NEGR1: variants seen among roughly 807,000 people sequenced by gnomAD.
NEGR1 encodes IgLON family member 4.
Under a neutral mutation model 40.9 loss-of-function variants are expected in NEGR1, and 10 were observed. The ratio of observed to expected loss-of-function variants is 0.24; its 90% CI spans 0.15 to 0.42. The LOEUF (loss-of-function observed/expected upper bound fraction) is 0.42, where lower values mean the gene tolerates loss of function less well. Ranked by LOEUF, NEGR1 falls within the 10% of genes least tolerant of loss-of-function variation. The pLI is 1.00. For synonymous variants in NEGR1, 185 were observed against 166.8 expected, an observed-to-expected ratio of 1.11 and a Z score of -0.84; for missense variants, 352 against 438.9, an observed-to-expected ratio of 0.80 and a Z score of 1.77.
At chr1:71,493,329 A>C (rs553354974) in intron 6 of NEGR1, among the ~76,000 whole-genome samples, 1 of 152,244 alleles carries the variant, frequency 6.6e-6, no homozygotes, top group South Asian at 2.1e-4. Context: ...ATGAATACCC[A>C]TCTACTATCC....
intron 1 of NEGR1, among the ~76,000 whole-genome samples, chr1:71,936,704 T>A (rs997913847): frequency 3.3e-5 from 5 of 152,174 alleles, no homozygotes; most frequent in Non-Finnish European, 2.9e-5. Context: ...TGGATCCACA[T>A]GATGATGACA....
At chr1:72,199,205 G>A (rs1401892786) in intron 1 of NEGR1, among the ~76,000 whole-genome samples, 1 of 150,212 alleles carries the variant, frequency 6.7e-6, no homozygotes, top group African/African-American at 2.5e-5. Flanking sequence ...ATGTATCTTG[G>A]GGGCTGCATA....
At chr1:71,591,452 A>G (rs1290134394) in intron 6 of NEGR1, among the ~76,000 whole-genome samples, 1 of 152,116 alleles carries the variant, frequency 6.6e-6, no homozygotes, top group Non-Finnish European at 1.5e-5. Context: ...TAAGCCTTAA[A>G]TTTTTCTTTA....
At chr1:71,450,556 C>A (rs1249821240) in intron 6 of NEGR1, among the ~76,000 whole-genome samples, 3 of 151,782 alleles carry the variant, frequency 2.0e-5, no homozygotes, top group Non-Finnish European at 4.4e-5. Context: ...CCTGTAATCC[C>A]AGCACTTTGG....
intron 1 of NEGR1, among the ~76,000 whole-genome samples, chr1:72,278,107 C>T (rs114832991): frequency 0.015 from 2,207 of 152,112 alleles, 57 homozygotes; most frequent in African/African-American, 0.051. Flanking sequence ...TGTAGAAATA[C>T]GCCCTAAGCA....
chr1:72,223,948 T>A (rs979394835), intron 1 of NEGR1, among the ~76,000 whole-genome samples: 1 of 152,170 alleles, frequency 6.6e-6, no homozygotes, highest in Non-Finnish European at 1.5e-5. Context: ...TTTGCACCAC[T>A]GCACTTTTCT....
chr1:71,752,966 T>C (rs1655619501), intron 3 of NEGR1, among the ~76,000 whole-genome samples: 1 of 152,144 alleles, frequency 6.6e-6, no homozygotes, highest in Admixed American at 6.5e-5. Flanking sequence ...AGCAAGTCCA[T>C]GTAGCTAGTA....
intron 4 of NEGR1, among the ~76,000 whole-genome samples, chr1:71,680,330 T>C (rs1053008614): frequency 2.6e-5 from 4 of 152,104 alleles, no homozygotes; most frequent in African/African-American, 7.2e-5. Context: ...TTACTTCTTT[T>C]TGAGACTGTT....
chr1:72,149,898 A>AAAAG lies in NEGR1; in HGVS notation c.176+132417_176+132420dup, dbSNP rs1458212821. ...CTCTGTCAAAAAAAAAAAAAAAAAA[A>AAAAG]AAAGAAAGAAAGAAAGAAAAAAGAA... On this transcript the variant is annotated intron_variant, in intron 1 of 6. Transcript: ENST00000357731. Among the ~76,000 whole-genome samples the AAAAG allele has an allele frequency of 3.4e-4, 50 of 148,990 alleles. No individual in the cohort carries two copies. In the South Asian group the frequency reaches 5.3e-3, roughly 16 times the overall value.
intron 6 of NEGR1, among the ~76,000 whole-genome samples, chr1:71,583,929 C>A (rs2101508763): frequency 6.6e-6 from 1 of 152,286 alleles, no homozygotes; most frequent in African/African-American, 2.4e-5. Context: ...ATCTAAAAAA[C>A]ACATTTGAGA....
intron 2 of NEGR1, among the ~76,000 whole-genome samples, chr1:71,905,665 C>A (rs764556628): frequency 4.1e-4 from 63 of 152,008 alleles, no homozygotes; most frequent in Admixed American, 7.9e-4. Flanking sequence ...TTTGAATAAT[C>A]TTTCTGACCT....
At chr1:72,026,734 T>C (rs1333889113) in intron 1 of NEGR1, among the ~76,000 whole-genome samples, 1 of 152,256 alleles carries the variant, frequency 6.6e-6, no homozygotes, top group East Asian at 1.9e-4. Context: ...ACTTGGTTTA[T>C]GCTGTTTACA....
chr1:71,975,420 G>A (rs1043578245), intron 1 of NEGR1, among the ~76,000 whole-genome samples: 1 of 152,146 alleles, frequency 6.6e-6, no homozygotes, highest in Admixed American at 6.5e-5. Flanking sequence ...AATTAGATTA[G>A]GAAGGACATG....
At chr1:71,712,873 C>G (rs1654149571) in intron 3 of NEGR1, among the ~76,000 whole-genome samples, 1 of 152,258 alleles carries the variant, frequency 6.6e-6, no homozygotes, top group East Asian at 1.9e-4. Flanking sequence ...CTCTCTCTCT[C>G]TCTCCTGCCA....
At chr1:71,638,825 T>C (rs1651251761) in intron 4 of NEGR1, among the ~76,000 whole-genome samples, 2 of 151,948 alleles carry the variant, frequency 1.3e-5, no homozygotes, top group East Asian at 1.9e-4. Flanking sequence ...TGCAAGCTGT[T>C]AGTATTTTCT....
intron 4 of NEGR1, among the ~76,000 whole-genome samples, chr1:71,613,825 G>T (rs912791454): frequency 1.3e-5 from 2 of 152,044 alleles, no homozygotes; most frequent in South Asian, 4.1e-4. Flanking sequence ...ACAAAAACTA[G>T]TTCATTCAGA....
chr1:72,087,665 A>G (rs1251602776), intron 1 of NEGR1, among the ~76,000 whole-genome samples: 1 of 150,898 alleles, frequency 6.6e-6, no homozygotes, highest in Non-Finnish European at 1.5e-5. Context: ...TGTGTTGCCC[A>G]GGCTAGAGCG....
chr1:72,056,588 A>G (rs1647112869), intron 1 of NEGR1, among the ~76,000 whole-genome samples: 1 of 151,444 alleles, frequency 6.6e-6, no homozygotes, highest in African/African-American at 2.4e-5. Context: ...AAGGGATATG[A>G]ATATCAACAG....
intron 1 of NEGR1, among the ~76,000 whole-genome samples, chr1:72,234,465 A>G (rs1654483688): frequency 6.6e-6 from 1 of 152,148 alleles, no homozygotes; most frequent in African/African-American, 2.4e-5. Context: ...CTTTACAGCA[A>G]AGAAAACTAT....
Sources: allele counts gnomAD v4.1 joint callset (sites outside exome capture counted in the v4.1 genomes callset), GRCh38; gene constraint gnomAD v4.1.1; transcripts MANE v1.5; gene names NCBI Gene and HGNC (gene_info 2026-07-23, HGNC 2026-07-21).